The following AMZ1 variants were observed in gnomAD, a reference collection of about 807,000 sequenced individuals.
AMZ1 encodes archaelysin family metallopeptidase 1, also known as archaemetzincin-1.
Under a neutral mutation model 29.9 loss-of-function variants are expected in AMZ1, and 39 were observed. The ratio of observed to expected loss-of-function variants is 1.30; its 90% CI spans 1.01 to 1.70. The LOEUF is 1.70. Ranked by LOEUF, AMZ1 falls within the 40% of genes most tolerant of loss-of-function variation. The pLI is 0.00. For missense variants in AMZ1, 1,041 were observed against 680.6 expected (o/e 1.53, Z -5.89); for synonymous variants, 458 against 304.0 (o/e 1.51, Z -5.27).
At chr7:2,762,634 T>C, upstream of AMZ1, 1 of 1,587,340 alleles carries the variant, frequency 6.3e-7, no homozygotes, top group African/African-American at 1.3e-5. Context: ...CCCAATGCCA[T>C]GAAGCACAGA....
upstream of AMZ1, among the ~76,000 whole-genome samples, chr7:2,687,542 C>T (rs768274734): frequency 6.6e-6 from 1 of 152,222 alleles, no homozygotes; most frequent in Non-Finnish European, 1.5e-5. Context: ...GCCGTCATGC[C>T]GGCCTTCACG....
In AMZ1 at chr7:2,716,382, G is replaced by GGCAC. The variant is rs2115216430; in HGVS notation, c.*3506_*3509dup. 1 of 152,360 alleles carries GGCAC rather than the reference G, an allele frequency of 6.6e-6. No homozygotes were observed. The highest frequency in any genetic ancestry group is 2.1e-4 in the South Asian group (1 of 4,822). 9.4% of individuals were successfully genotyped at this position (152,360 alleles called of 1,614,324 possible). ...TCCTGTCCATGGTGTGAACCCTGAG[G>GGCAC]GCACGGGACAGTGAGTGGAGCTCTG... On this transcript the variant is annotated 3_prime_UTR_variant, in exon 7 of 7. Coordinates refer to ENST00000683327, the MANE Select transcript of AMZ1 (RefSeq NM_001384743.1).
At position 2,701,690 on chromosome 7, in the gene AMZ1, G is replaced by C. The variant is rs139866961; in HGVS notation, c.304+935G>C. Among the ~76,000 whole-genome samples the C allele has an allele frequency of 1.8e-3, 271 of 152,322 alleles. 1 individual carries two copies. Among genetic ancestry groups the C allele is most frequent in the African/African-American group, 6.1e-3 (253 of 41,586 alleles). On this transcript the variant is annotated intron_variant, in intron 2 of 6. Coordinates refer to ENST00000683327, the MANE Select transcript of AMZ1 (RefSeq NM_001384743.1). Reference sequence around the variant, plus strand: ...GGAGAGGAGGAAAGGGCTGGTGTCCGCTTCTGACCAGCGCACCACGCCTTT... The same window carrying C: ...GGAGAGGAGGAAAGGGCTGGTGTCCCCTTCTGACCAGCGCACCACGCCTTT...
Position 2,715,103 on chromosome 7 carries a change from C to CTCCTAAGG in AMZ1, c.*2227_*2234dup, listed in dbSNP as rs1266947909. On this transcript the variant is annotated 3_prime_UTR_variant, in exon 7 of 7. Transcript: ENST00000683327. ...GCTTCCTCACAATATGGCGGTTGCC[C>CTCCTAAGG]TCCTAAGGTGGACATCGGGAGGGTC... 6.6e-6 allele frequency: 1 copy of CTCCTAAGG among 152,190 alleles called. No individual in the cohort carries two copies. The highest frequency in any genetic ancestry group is 1.5e-5 in the Non-Finnish European group (1 of 68,026). 9.4% of individuals were successfully genotyped at this position (152,190 alleles called of 1,614,324 possible).
intron 4 of AMZ1, among the ~76,000 whole-genome samples, chr7:2,758,500 G>A (rs544706910): frequency 2.0e-5 from 3 of 152,286 alleles, no homozygotes; most frequent in Admixed American, 1.3e-4. Flanking sequence ...CCCCTGCAGC[G>A]TGGGAGGAAG....
intron 6 of AMZ1, 43 bp downstream of exon 6, chr7:2,709,859 T>TC (rs777000954): frequency 5.0e-6 from 8 of 1,599,820 alleles, no homozygotes; most frequent in African/African-American, 1.3e-5. Flanking sequence ...GGACCTGCGC[T>TC]CCGGAGGCCC....
At chr7:2,743,845 G>T (rs1243211583) in intron 4 of AMZ1, among the ~76,000 whole-genome samples, 4 of 152,070 alleles carry the variant, frequency 2.6e-5, no homozygotes, top group South Asian at 2.1e-4. Context: ...TTTCCCAACA[G>T]GCTTAAAAAA....
chr7:2,742,263 G>A (rs987777234), intron 4 of AMZ1, among the ~76,000 whole-genome samples: 8 of 152,060 alleles, frequency 5.3e-5, no homozygotes, highest in East Asian at 1.9e-4. Flanking sequence ...TGATCTGCCC[G>A]CCTCAGCCTC....
intron 4 of AMZ1, among the ~76,000 whole-genome samples, chr7:2,757,529 G>T (rs547685151): frequency 6.6e-6 from 1 of 152,272 alleles, no homozygotes; most frequent in Non-Finnish European, 1.5e-5. Flanking sequence ...CTTGAAAAAG[G>T]ATGACAAGCC....
chr7:2,694,429 C>T (rs1787583718), intron 1 of AMZ1, among the ~76,000 whole-genome samples: 1 of 152,142 alleles, frequency 6.6e-6, no homozygotes, highest in South Asian at 2.1e-4. Context: ...TTCTCAGCTT[C>T]TGAGGCCTGT....
intron 4 of AMZ1, among the ~76,000 whole-genome samples, chr7:2,744,632 G>A (rs902950830): frequency 2.0e-5 from 3 of 152,184 alleles, no homozygotes; most frequent in East Asian, 3.8e-4. Context: ...CCAAAGGAAC[G>A]CAGCTCCTCA....
chr7:2,719,336 A>T lies in AMZ1; in HGVS notation c.*6458A>T, dbSNP rs1274285509. 6.6e-6 allele frequency among the ~76,000 whole-genome samples: 1 copy of T among 152,224 alleles called. No individual in the cohort carries two copies. The highest frequency in any genetic ancestry group is 6.5e-5 in the Admixed American group (1 of 15,284). The stretch of plus-strand genomic sequence containing the variant: ...ACCTGATGTCTGTCACGGACCCCCA[A>T]GCAGGAGCAATGCCTAAAGAGGGCA... On this transcript the variant is annotated 3_prime_UTR_variant, in exon 7 of 7. Transcript: ENST00000683327.
Position 2,708,454 on chromosome 7 carries a change from C to T in AMZ1, c.473-134C>T, listed in dbSNP as rs1283189447. On this transcript the variant is annotated intron_variant, in intron 3 of 6. Transcript: ENST00000683327. ...GTGTGCCCTCAGGTCACACCAAACG[C>T]TGGTGGCCCACACCTGACTTGGGAA... 2.6e-5 allele frequency: 35 copies of T among 1,370,776 alleles called. No individual in the cohort carries two copies. The East Asian group carries it at 8.3e-4, about 33-fold the overall frequency. 84.9% of individuals were successfully genotyped at this position (1,370,776 alleles called of 1,614,324 possible). A position where few individuals can be genotyped will look rare whatever the true frequency, so the allele number is the denominator to read the frequency against.
intron 4 of AMZ1, among the ~76,000 whole-genome samples, chr7:2,726,681 G>C (rs529572934): frequency 6.6e-6 from 1 of 152,332 alleles, no homozygotes; most frequent in Middle Eastern, 3.4e-3. Context: ...ATGGGCTAAT[G>C]GTGCTAAGTG....
At chr7:2,760,636 G>A (rs181563046), upstream of AMZ1, among the ~76,000 whole-genome samples, 708 of 152,278 alleles carry the variant, frequency 4.6e-3, 10 homozygotes, top group East Asian at 3.9e-3. Context: ...CCTCAAGCAG[G>A]ACAGACCTGT....
At chr7:2,726,475 G>A (rs1052488834) in intron 4 of AMZ1, among the ~76,000 whole-genome samples, 2 of 152,198 alleles carry the variant, frequency 1.3e-5, no homozygotes, top group Non-Finnish European at 2.9e-5. Flanking sequence ...CTGCCCGGGT[G>A]AGAGCTCCTC....
At chr7:2,710,438 G>GT (rs1788698781) in intron 6 of AMZ1, among the ~76,000 whole-genome samples, 1 of 152,218 alleles carries the variant, frequency 6.6e-6, no homozygotes, top group Non-Finnish European at 1.5e-5. Flanking sequence ...TGCTCACTGC[G>GT]TACAGGCACC....
At chr7:2,723,984 G>A (rs1789525974), downstream of AMZ1, among the ~76,000 whole-genome samples, 1 of 152,002 alleles carries the variant, frequency 6.6e-6, no homozygotes, top group Non-Finnish European at 1.5e-5. Context: ...TCAGTTCACT[G>A]CAATGTCCAC....
intron 4 of AMZ1, among the ~76,000 whole-genome samples, chr7:2,746,771 G>T (rs1222340722): frequency 6.6e-6 from 1 of 152,046 alleles, no homozygotes; most frequent in African/African-American, 2.4e-5. Flanking sequence ...TAGACCGCTA[G>T]CAAGACTAAT....
Sources: gnomAD v4.1 joint callset for allele counts (sites outside exome capture counted in the v4.1 genomes callset) on GRCh38, gnomAD v4.1.1 for gene constraint, MANE v1.5 for transcripts, NCBI Gene and HGNC (gene_info 2026-07-23, HGNC 2026-07-21) for gene names.